Variants in WDR75 observed in about 807,000 individuals in gnomAD.
WDR75 encodes WD repeat-containing protein 75.
A neutral mutation model predicts 106.1 loss-of-function variants in WDR75; 52 were observed. That is an observed-to-expected ratio of 0.49 (90% CI 0.39 to 0.62). The LOEUF is 0.62. WDR75 is among the 20% of genes least tolerant of loss of function. The pLI is 0.00. For missense variants in WDR75, 905 were observed against 970.3 expected (o/e 0.93, Z 0.89); for synonymous variants, 333 against 335.5 (o/e 0.99, Z 0.08).
Position 189,467,619 on chromosome 2 carries a change from T to C in WDR75, c.1599T>C (p.Cys533=), listed in dbSNP as rs374406675. The change falls in exon 14 of 21, where the codon TGT becomes TGC. Residue 533 remains cysteine (C), a synonymous_variant. Transcript: ENST00000314761. ...IWDSVTWELK[C]TFCQRAGKIR... is the part of the protein sequence containing the mutation. The stretch of plus-strand genomic sequence containing the variant: ...ATTCTGTAACATGGGAACTTAAATG[T>C]ACATTTTGCCAACGAGCTGGGAAAA... The C allele has an allele frequency of 1.2e-6, 2 of 1,602,330 alleles. No homozygotes were observed. Among genetic ancestry groups the C allele is most frequent in the Non-Finnish European group, 1.7e-6 (2 of 1,174,856 alleles).
Position 189,470,245 on chromosome 2 carries a change from G to A in WDR75, c.1989G>A (p.Gln663=). 1 of 1,610,456 alleles carries A rather than the reference G, an allele frequency of 6.2e-7. No homozygotes were observed. Among genetic ancestry groups the A allele is most frequent in the Non-Finnish European group, 8.5e-7 (1 of 1,178,182 alleles). ...AGTTTTACTTCCTAACAAAATCACAGGTAACTGCCTCCCTCAAAAAAGGCG... is the reference window on the plus strand; with the variant it reads ...AGTTTTACTTCCTAACAAAATCACAAGTAACTGCCTCCCTCAAAAAAGGCG... ...RSQFYFLTKS[Q]SLLTFSTKSP... is the part of the protein sequence containing the mutation. Residue 663 remains glutamine (Q), a splice_region_variant and synonymous_variant, in exon 17 of 21, where the codon CAG becomes CAA. Transcript: ENST00000314761.
chr2:189,456,248 A>G (rs751032848), intron 5 of WDR75, among the ~76,000 whole-genome samples: 8 of 152,212 alleles, frequency 5.3e-5, no homozygotes, highest in Non-Finnish European at 1.2e-4. Context: ...TAATGTTGAC[A>G]GGATATAGAG....
At chr2:189,451,058 AT>A in intron 3 of WDR75, 90 bp downstream of exon 3, 1 of 1,401,330 alleles carries the variant, frequency 7.1e-7, no homozygotes, top group South Asian at 1.8e-5. Flanking sequence ...AAGGCCAAAT[AT>A]TTAAATAGAC....
At position 189,457,445 on chromosome 2, in the gene WDR75, T is replaced by C. The variant is rs1001193860; in HGVS notation, c.569+64T>C. On this transcript the variant is annotated intron_variant, in intron 6 of 20. Transcript: ENST00000314761. ...AAGAGTTCTTTATAATTTTATTTCT[T>C]CCTAATACCTATAGTCCAAAGCTAT... 3.8e-6 allele frequency: 4 copies of C among 1,039,588 alleles called. No individual in the cohort carries two copies. The African/African-American group carries it at 6.5e-5, about 17-fold the overall frequency. The allele number at this position is 1,039,588 out of a possible 1,614,324, so 64.4% of individuals were successfully genotyped here. A position where few individuals can be genotyped will look rare whatever the true frequency, so the allele number is the denominator to read the frequency against.
chr2:189,463,863 G>A lies in WDR75; in HGVS notation c.1015G>A (p.Gly339Ser), dbSNP rs1686948476. The change falls in exon 11 of 21, where the codon GGT (glycine) becomes AGT (serine). Residue 339 changes from glycine (G) to serine (S), a missense_variant. Transcript: ENST00000314761. ...TTCTGCAGATAGGAGTATCTTCACT[G>A]GTTTGATGATTGATCCAAGAACTAA... ...GLVKDRSIFT[G>S]LMIDPRTKAL... 3 of 1,613,838 alleles carry A rather than the reference G, an allele frequency of 1.9e-6. No homozygotes were observed. The East Asian group carries it at 6.7e-5, about 36-fold the overall frequency.
At chr2:189,455,579 C>G (rs1297165982) in intron 5 of WDR75, 135 bp downstream of exon 5, 2 of 1,151,808 alleles carry the variant, frequency 1.7e-6, no homozygotes. Flanking sequence ...TAAGAAGCCT[C>G]TTCATTGCTT....
At chr2:189,468,915 G>A (rs1196787885) in intron 15 of WDR75, among the ~76,000 whole-genome samples, 1 of 152,086 alleles carries the variant, frequency 6.6e-6, no homozygotes, top group African/African-American at 2.4e-5. Flanking sequence ...ATCCCTGACA[G>A]CTTAAATTCA....
At chr2:189,469,118 C>T (rs1687062977) in intron 15 of WDR75, among the ~76,000 whole-genome samples, 1 of 152,114 alleles carries the variant, frequency 6.6e-6, no homozygotes, top group Non-Finnish European at 1.5e-5. Flanking sequence ...ACATAAATTT[C>T]AATGAAATAA....
chr2:189,448,027 A>C (rs1686537711), intron 1 of WDR75, among the ~76,000 whole-genome samples: 1 of 152,196 alleles, frequency 6.6e-6, no homozygotes, highest in African/African-American at 2.4e-5. Flanking sequence ...TGGATTTATA[A>C]AGGGGAGCTC....
intron 2 of WDR75, chr2:189,449,179 A>T: frequency 8.4e-7 from 1 of 1,197,324 alleles, no homozygotes; most frequent in Non-Finnish European, 1.1e-6. Flanking sequence ...AATCTACTAA[A>T]ATTTTATCTC....
chr2:189,451,792 C>T lies in WDR75; in HGVS notation c.283-13C>T, dbSNP rs898953829. ...AACAGACAGTAAACACTATGGTGCT[C>T]TTTATCTTTCAGACTTTCATAGTTG... is the stretch of plus-strand genomic sequence containing the variant. On this transcript the variant is annotated splice_polypyrimidine_tract_variant and intron_variant, in intron 3 of 20. Transcript: ENST00000314761. 3 of 1,609,876 alleles carry T rather than the reference C, an allele frequency of 1.9e-6. No homozygotes were observed. The highest frequency in any genetic ancestry group is 3.3e-5 in the Admixed American group (2 of 59,988).
At chr2:189,446,924 G>A (rs1019348971) in intron 1 of WDR75, among the ~76,000 whole-genome samples, 4 of 152,178 alleles carry the variant, frequency 2.6e-5, no homozygotes, top group African/African-American at 4.8e-5. Context: ...CTTCAGTACA[G>A]CAATAGTGGA....
intron 4 of WDR75, among the ~76,000 whole-genome samples, chr2:189,453,596 G>A (rs1304445380): frequency 6.6e-6 from 1 of 152,168 alleles, no homozygotes; most frequent in Non-Finnish European, 1.5e-5. Context: ...AAGATCTTGT[G>A]TTGTAATCTA....
intron 5 of WDR75, 63 bp downstream of exon 5, chr2:189,455,507 C>A: frequency 1.3e-6 from 2 of 1,552,836 alleles, no homozygotes; most frequent in South Asian, 1.2e-5. Context: ...AATCTCTCTT[C>A]TGAGCATTTT....
chr2:189,460,818 C>T (rs1686864685), intron 8 of WDR75, among the ~76,000 whole-genome samples: 1 of 152,002 alleles, frequency 6.6e-6, no homozygotes, highest in Admixed American at 6.6e-5. Flanking sequence ...TATTTGAATT[C>T]TTGATATTAT....
At chr2:189,445,514 C>T (rs1269458998) in intron 1 of WDR75, among the ~76,000 whole-genome samples, 2 of 152,012 alleles carry the variant, frequency 1.3e-5, no homozygotes, top group East Asian at 3.9e-4. Context: ...GTCAAGAGTT[C>T]TGAGAAATGG....
chr2:189,464,414 T>G (rs10194053), intron 11 of WDR75, among the ~76,000 whole-genome samples: 9,893 of 152,186 alleles, frequency 0.065, 500 homozygotes, highest in African/African-American at 0.14. Context: ...CTTTTCTTGT[T>G]CCCCACAGTA....
chr2:189,460,035 C>T (rs375962504), intron 8 of WDR75, among the ~76,000 whole-genome samples: 7 of 152,250 alleles, frequency 4.6e-5, no homozygotes, highest in East Asian at 1.9e-4. Context: ...GTAGCTATAG[C>T]GAGTAAAAAT....
chr2:189,446,927 A>G (rs529369205), intron 1 of WDR75, among the ~76,000 whole-genome samples: 7 of 152,312 alleles, frequency 4.6e-5, no homozygotes, highest in East Asian at 1.9e-4. Flanking sequence ...CAGTACAGCA[A>G]TAGTGGATAG....
Sources: allele counts gnomAD v4.1 joint callset (sites outside exome capture counted in the v4.1 genomes callset), GRCh38; gene constraint gnomAD v4.1.1; transcripts MANE v1.5; gene names NCBI Gene and HGNC (gene_info 2026-07-23, HGNC 2026-07-21).